The following SNX24 variants were observed in gnomAD, a reference collection of about 807,000 sequenced individuals.
SNX24 encodes the protein sorting nexin 24.
In SNX24, 22 loss-of-function variants were observed where a neutral mutation model predicts 28.7. The observed-to-expected ratio is 0.77, with a 90% confidence interval of 0.55 to 1.10. The LOEUF is 1.10. Among genes scored for constraint, SNX24 ranks in the 50% least tolerant of loss-of-function variants. SNX24 has a pLI of 0.00. For synonymous variants in SNX24, 69 were observed against 71.5 expected, an observed-to-expected ratio of 0.96 and a Z score of 0.18; for missense variants, 221 against 201.1, an observed-to-expected ratio of 1.10 and a Z score of -0.60.
At chr5:122,972,035 T>C (rs1348842637) in intron 3 of SNX24, among the ~76,000 whole-genome samples, 1 of 152,234 alleles carries the variant, frequency 6.6e-6, no homozygotes, top group African/African-American at 2.4e-5. Flanking sequence ...TGTATTCCAC[T>C]CATACTCTTC....
chr5:122,882,319 T>C (rs1228096625), intron 1 of SNX24, among the ~76,000 whole-genome samples: 4 of 152,234 alleles, frequency 2.6e-5, no homozygotes, highest in African/African-American at 9.6e-5. Context: ...CCTCTACTCC[T>C]TCCCACATAC....
intron 3 of SNX24, among the ~76,000 whole-genome samples, chr5:122,955,929 G>C (rs1372439448): frequency 6.6e-5 from 10 of 152,142 alleles, no homozygotes; most frequent in Non-Finnish European, 1.2e-4. Context: ...GCCATGAGTA[G>C]AGGTGAGGGC....
At position 122,914,640 on chromosome 5, in the gene SNX24, G is replaced by C. The variant is rs554315866; in HGVS notation, c.61-22094G>C. ...TTAGTCTTGGGAGAGTGTATGTGTC[G>C]AGGAATTTATCCATTTCTTCTAGAT... On this transcript the variant is annotated intron_variant, in intron 1 of 6. Coordinates refer to ENST00000261369, the MANE Select transcript of SNX24 (RefSeq NM_014035.4). Among the ~76,000 whole-genome samples, 556 of 150,242 alleles carry C rather than the reference G, an allele frequency of 3.7e-3. 5 individuals are homozygous for C. Among genetic ancestry groups the C allele is most frequent in the African/African-American group, 0.011 (466 of 40,776 alleles).
chr5:122,882,494 G>A (rs2150062133), intron 1 of SNX24, among the ~76,000 whole-genome samples: 1 of 152,356 alleles, frequency 6.6e-6, no homozygotes, highest in South Asian at 2.1e-4. Context: ...TCTGGATAGA[G>A]AGCCCTCTAG....
At chr5:122,958,051 G>A (rs1167674230) in intron 3 of SNX24, among the ~76,000 whole-genome samples, 5 of 152,016 alleles carry the variant, frequency 3.3e-5, no homozygotes, top group Non-Finnish European at 5.9e-5. Context: ...CTTAAACTTT[G>A]AGTACTATGT....
intron 5 of SNX24, among the ~76,000 whole-genome samples, chr5:123,020,950 G>C (rs1447571654): frequency 3.3e-5 from 5 of 152,176 alleles, no homozygotes; most frequent in African/African-American, 1.2e-4. Context: ...CTGGAGCCAG[G>C]GCAAGGGAAT....
intron 1 of SNX24, among the ~76,000 whole-genome samples, chr5:122,911,118 TC>T (rs1757866953): frequency 2.6e-5 from 4 of 152,198 alleles, no homozygotes; most frequent in Non-Finnish European, 4.4e-5. Flanking sequence ...CTCCACATCC[TC>T]TCCAGCACTT....
intron 3 of SNX24, among the ~76,000 whole-genome samples, chr5:122,953,076 T>TTCTTCCTTTCTC (rs60171265): frequency 6.6e-6 from 1 of 151,848 alleles, no homozygotes; most frequent in Non-Finnish European, 1.5e-5. Context: ...CTTCCTTTCT[T>TTCTTCCTTTCTC]CCTTTTTTCC....
At chr5:122,932,612 G>A (rs775288089) in intron 1 of SNX24, among the ~76,000 whole-genome samples, 1 of 152,208 alleles carries the variant, frequency 6.6e-6, no homozygotes, top group East Asian at 1.9e-4. Flanking sequence ...GCTCACGCCT[G>A]TAATCCCAGC....
intron 4 of SNX24, among the ~76,000 whole-genome samples, chr5:123,001,058 T>A (rs1762226865): frequency 6.6e-6 from 1 of 152,250 alleles, no homozygotes. Context: ...TTCCAACTTG[T>A]ATGTATTTAC....
chr5:122,985,599 T>C (rs974232726), intron 3 of SNX24, among the ~76,000 whole-genome samples: 2 of 152,206 alleles, frequency 1.3e-5, no homozygotes, highest in Non-Finnish European at 2.9e-5. Context: ...TAGATGTTAT[T>C]ATTGTTTCCT....
chr5:122,886,616 C>G (rs1173306420), intron 1 of SNX24, among the ~76,000 whole-genome samples: 2 of 151,780 alleles, frequency 1.3e-5, no homozygotes, highest in African/African-American at 4.8e-5. Flanking sequence ...AGTTCGAGAC[C>G]AGCCTGGCCA....
intron 1 of SNX24, among the ~76,000 whole-genome samples, chr5:122,934,912 G>T (rs1759117653): frequency 6.6e-6 from 1 of 151,008 alleles, no homozygotes; most frequent in African/African-American, 2.4e-5. Context: ...TGTGGAACTT[G>T]GTAATGGAAC....
intron 1 of SNX24, among the ~76,000 whole-genome samples, chr5:122,870,163 T>C (rs1322500124): frequency 1.3e-5 from 2 of 152,236 alleles, no homozygotes; most frequent in African/African-American, 4.8e-5. Flanking sequence ...AATTTTCATA[T>C]AATTCAGAAC....
intron 5 of SNX24, among the ~76,000 whole-genome samples, chr5:123,017,058 C>G (rs532206499): frequency 7.2e-5 from 11 of 151,926 alleles, no homozygotes; most frequent in African/African-American, 2.7e-4. Flanking sequence ...TTAATCTGGT[C>G]AGGAACAAAG....
chr5:122,915,076 A>G (rs1220286295), intron 1 of SNX24, among the ~76,000 whole-genome samples: 2 of 152,168 alleles, frequency 1.3e-5, no homozygotes, highest in African/African-American at 2.4e-5. Context: ...AGACTTTGGA[A>G]TATTTGCATT....
At chr5:123,019,331 C>A (rs1367402961) in intron 5 of SNX24, among the ~76,000 whole-genome samples, 2 of 149,672 alleles carry the variant, frequency 1.3e-5, no homozygotes, top group Non-Finnish European at 3.0e-5. Flanking sequence ...TTTGAATTTC[C>A]AAGCTTTCTA....
At chr5:122,887,166 T>C (rs1756754229) in intron 1 of SNX24, among the ~76,000 whole-genome samples, 1 of 152,224 alleles carries the variant, frequency 6.6e-6, no homozygotes, top group Non-Finnish European at 1.5e-5. Flanking sequence ...ACAGTTATCC[T>C]AACTGTACCT....
chr5:122,913,990 A>G (rs1014395005), intron 1 of SNX24, among the ~76,000 whole-genome samples: 38 of 152,172 alleles, frequency 2.5e-4, no homozygotes, highest in African/African-American at 7.7e-4. Context: ...CGCACCTGCA[A>G]TCGCAGGCAC....
Sources: gnomAD v4.1 joint callset for allele counts (sites outside exome capture counted in the v4.1 genomes callset) on GRCh38, gnomAD v4.1.1 for gene constraint, MANE v1.5 for transcripts, NCBI Gene and HGNC (gene_info 2026-07-23, HGNC 2026-07-21) for gene names.